The following APAF1 variants were observed in gnomAD, a reference collection of about 807,000 sequenced individuals.
APAF1 encodes apoptotic protease-activating factor 1.
Under a neutral mutation model 152.4 loss-of-function variants are expected in APAF1, and 91 were observed. That is an observed-to-expected ratio of 0.60 (90% CI 0.50 to 0.71). APAF1 has a LOEUF of 0.71. APAF1 is among the 30% of genes least tolerant of loss of function. APAF1 has a pLI of 0.00. For synonymous variants in APAF1, 484 were observed against 494.1 expected (o/e 0.98, Z 0.27); for missense variants, 1,283 against 1,472.0 (o/e 0.87, Z 2.10).
Position 98,667,560 on chromosome 12 carries a change from G to T in APAF1, c.1410G>T (p.Pro470=), listed in dbSNP as rs1205113196. The T allele has an allele frequency of 1.3e-5, 21 of 1,613,820 alleles. No homozygotes were observed. The highest frequency in any genetic ancestry group is 1.7e-5 in the Non-Finnish European group (20 of 1,179,856). The change falls in exon 10 of 27, where the codon CCG becomes CCT. Residue 470 remains proline, a synonymous_variant. Transcript: ENST00000551964. ...CTCAGTTTCAGAGATATCACCAGCC[G>T]CATACTCTTTCACCAGATCAGGAAG... ...IITQFQRYHQ[P]HTLSPDQEDC... is the part of the protein sequence containing the mutation.
chr12:98,662,429 G>A (rs1208252308), intron 5 of APAF1, 27 bp from the exon 6 acceptor site: 3 of 1,481,448 alleles, frequency 2.0e-6, no homozygotes, highest in Non-Finnish European at 9.4e-7. Context: ...AGTGTCATTA[G>A]TGATTAATAT....
intron 22 of APAF1, among the ~76,000 whole-genome samples, chr12:98,717,533 A>G (rs1415300799): frequency 6.6e-6 from 1 of 151,676 alleles, no homozygotes; most frequent in African/African-American, 2.4e-5. Context: ...GCACAACCAC[A>G]CCCTGCTAAT....
rs899538411 is a variant in APAF1, at chr12:98,683,000, G to C, written c.2047-143G>C. ...TTGCCATATTTTAGAAAGGGGAGAG[G>C]TTTCATTAGCATCTTGTCCAACTAG... On this transcript the variant is annotated intron_variant, in intron 14 of 26. Coordinates refer to ENST00000551964, the MANE Select transcript of APAF1 (RefSeq NM_181861.2). 1.3e-5 allele frequency: 9 copies of C among 701,614 alleles called. No individual in the cohort carries two copies. In the South Asian group the frequency reaches 1.4e-4, roughly 11 times the overall value. The allele number at this position is 701,614 out of a possible 1,614,324, so 43.5% of individuals were successfully genotyped here.
At chr12:98,661,028 A>G (rs2097664431) in intron 5 of APAF1, among the ~76,000 whole-genome samples, 1 of 152,110 alleles carries the variant, frequency 6.6e-6, no homozygotes, top group South Asian at 2.1e-4. Context: ...TCAGCCTCCT[A>G]GTAGCTGGGA....
In APAF1 at chr12:98,648,691, C is replaced by T. The variant is rs770322698; in HGVS notation, c.204C>T (p.Tyr68=). 4.0e-5 allele frequency: 65 copies of T among 1,612,556 alleles called. 1 individual carries two copies. In the East Asian group the frequency reaches 7.8e-4, roughly 19 times the overall value. Residue 68 remains tyrosine, a synonymous_variant, in exon 3 of 27, where the codon TAC becomes TAT. Transcript: ENST00000551964. ...TACTTAAAAAAGATAATGATTCCTACGTATCATTCTACAATGCTCTACTAC... is the reference window on the plus strand; with the variant it reads ...TACTTAAAAAAGATAATGATTCCTATGTATCATTCTACAATGCTCTACTAC... The part of the protein sequence containing the change: ...KMILKKDNDS[Y]VSFYNALLHE...
chr12:98,701,746 G>T (rs117452856), intron 17 of APAF1, among the ~76,000 whole-genome samples: 1,620 of 152,296 alleles, frequency 0.011, 24 homozygotes, highest in Non-Finnish European at 0.015. Flanking sequence ...GCTACCCAAA[G>T]GTGTTCCTTA....
At chr12:98,719,495 C>G (rs563926774) in intron 22 of APAF1, among the ~76,000 whole-genome samples, 76 of 151,808 alleles carry the variant, frequency 5.0e-4, no homozygotes, top group African/African-American at 1.8e-3. Flanking sequence ...GACTACAGGC[C>G]CGTGCCACCA....
chr12:98,652,339 G>T (rs1321537892), intron 4 of APAF1, among the ~76,000 whole-genome samples: 1 of 152,134 alleles, frequency 6.6e-6, no homozygotes, highest in South Asian at 2.1e-4. Context: ...TGGGGACTCC[G>T]ATAATTCTAC....
intron 12 of APAF1, among the ~76,000 whole-genome samples, chr12:98,672,416 C>T (rs1195708): frequency 2.0e-5 from 3 of 152,232 alleles, no homozygotes; most frequent in South Asian, 2.1e-4. Flanking sequence ...CTGCATGCCT[C>T]GGCCTCCCAA....
At chr12:98,732,388 A>G in intron 26 of APAF1, 32 bp from the exon 27 acceptor site, 5 of 1,602,512 alleles carry the variant, frequency 3.1e-6, no homozygotes, top group South Asian at 1.1e-5. Flanking sequence ...GTAATTACCA[A>G]TCTAATGAGA....
chr12:98,648,983 T>G, intron 3 of APAF1, 168 bp downstream of exon 3: 1 of 795,478 alleles, frequency 1.3e-6, no homozygotes, highest in Non-Finnish European at 2.1e-6. Flanking sequence ...GCATCCACAT[T>G]AACTCTCAAC....
At chr12:98,648,979 A>C (rs1208030909) in intron 3 of APAF1, 164 bp downstream of exon 3, 2 of 804,026 alleles carry the variant, frequency 2.5e-6, no homozygotes, top group Non-Finnish European at 4.1e-6. Flanking sequence ...ATTTGCATCC[A>C]CATTAACTCT....
At chr12:98,648,526 C>T (rs759119224) in intron 2 of APAF1, 29 bp downstream of exon 2, 1 of 1,610,008 alleles carries the variant, frequency 6.2e-7, no homozygotes. Context: ...GTCCACACTT[C>T]CTTAAAAATT....
chr12:98,662,389 G>A (rs978990703), intron 5 of APAF1, 67 bp from the exon 6 acceptor site: 3 of 1,189,698 alleles, frequency 2.5e-6, no homozygotes, highest in African/African-American at 1.5e-5. Context: ...ACACTGGTGG[G>A]ATTATCTTTT....
rs532668858 is a variant in APAF1 at position 98,654,899 on chromosome 12, G to T, written c.527-4261G>T. On this transcript the variant is annotated intron_variant, in intron 4 of 26. Coordinates refer to ENST00000551964, the MANE Select transcript of APAF1 (RefSeq NM_181861.2). ...CAGAGGGGGATTTGGCAGGGTCATG[G>T]GACAATAGTGGAGGGAAGGTCAGCA... Among the ~76,000 whole-genome samples the T allele has an allele frequency of 3.3e-4, 42 of 125,906 alleles. No homozygotes were observed. The East Asian group carries it at 8.7e-3, about 26-fold the overall frequency. 82.6% of individuals were successfully genotyped at this position (125,906 alleles called of 152,430 possible).
intron 14 of APAF1, 101 bp downstream of exon 14, chr12:98,680,503 TG>T: frequency 8.8e-7 from 1 of 1,135,730 alleles, no homozygotes; most frequent in Non-Finnish European, 1.3e-6. Flanking sequence ...GACTCTCACC[TG>T]TTGATCTACT....
In APAF1 at chr12:98,708,622, T is replaced by C. The variant is rs1300938565; in HGVS notation, c.2759T>C (p.Val920Ala). 1 of 1,613,572 alleles carries C rather than the reference T, an allele frequency of 6.2e-7. No homozygotes were observed. Among genetic ancestry groups the C allele is most frequent in the Non-Finnish European group, 8.5e-7 (1 of 1,179,758 alleles). Residue 920 changes from valine (V) to alanine (A), a missense_variant, in exon 20 of 27, where the codon GTA (valine) becomes GCA (alanine). By Grantham distance (64) the Val-to-Ala change is moderately conservative (BLOSUM62 0). Coordinates refer to ENST00000551964, the MANE Select transcript of APAF1 (RefSeq NM_181861.2). The stretch of plus-strand genomic sequence containing the variant: ...AAGAAAGTATGTAAGAACTCTGCTG[T>C]AATGTTAAAGCAAGAAGTAGATGTT... ...ETKKVCKNSA[V>A]MLKQEVDVVF... is the part of the protein sequence containing the mutation.
intron 26 of APAF1, among the ~76,000 whole-genome samples, chr12:98,727,625 A>G (rs1170640676): frequency 6.6e-6 from 1 of 152,086 alleles, no homozygotes; most frequent in Non-Finnish European, 1.5e-5. Context: ...TGAAAACAAA[A>G]AAGAACCAGA....
In APAF1 at chr12:98,703,389, A is replaced by G. The variant is rs2097717826; in HGVS notation, c.2485A>G (p.Ser829Gly). ...NKIFLFDIHTSGLLGEIHTGH... is the reference protein window; with the variant it reads ...NKIFLFDIHTGGLLGEIHTGH... Reference sequence around the variant, plus strand: ...TTGACAGCTTTTTGACATTCATACTAGTGGCCTATTGGGAGAAATCCACAC... The same window carrying G: ...TTGACAGCTTTTTGACATTCATACTGGTGGCCTATTGGGAGAAATCCACAC... Residue 829 changes from serine (S) to glycine (G), a missense_variant, in exon 18 of 27, where the codon AGT (serine) becomes GGT (glycine). Transcript: ENST00000551964. The G allele has an allele frequency of 5.0e-6, 8 of 1,614,154 alleles. No homozygotes were observed. In the South Asian group the frequency reaches 6.6e-5, roughly 13 times the overall value.
Sources: gnomAD v4.1 joint callset for allele counts (sites outside exome capture counted in the v4.1 genomes callset) on GRCh38, gnomAD v4.1.1 for gene constraint, MANE v1.5 for transcripts, NCBI Gene and HGNC (gene_info 2026-07-23, HGNC 2026-07-21) for gene names.